KANSL1: variants seen among roughly 807,000 people sequenced by gnomAD.
KANSL1 encodes the protein MLL1/MLL complex subunit KANSL1.
A neutral mutation model predicts 103.6 loss-of-function variants in KANSL1; 22 were observed. The ratio of observed to expected loss-of-function variants is 0.21; its 90% CI spans 0.15 to 0.30. KANSL1 has a LOEUF of 0.30. Among genes scored for constraint, KANSL1 ranks in the 10% least tolerant of loss-of-function variants. The pLI, the probability that KANSL1 is intolerant of heterozygous loss-of-function variation, is 1.00. For missense variants in KANSL1, 1,337 were observed against 1,399.8 expected, an observed-to-expected ratio of 0.96 and a Z score of 0.72; for synonymous variants, 600 against 527.6, an observed-to-expected ratio of 1.14 and a Z score of -1.88.
chr17:46,184,715 A>T (rs2046937647), intron 1 of KANSL1, among the ~76,000 whole-genome samples: 2 of 152,068 alleles, frequency 1.3e-5, no homozygotes, highest in African/African-American at 4.8e-5. Context: ...CATTACTCCC[A>T]GGTTGAGGTG....
intron 2 of KANSL1, among the ~76,000 whole-genome samples, chr17:46,103,507 T>C (rs145360696): frequency 1.2e-4 from 19 of 152,364 alleles, no homozygotes; most frequent in African/African-American, 3.8e-4. Context: ...ATCCAGTTAC[T>C]GGTTAAATTT....
intron 6 of KANSL1, among the ~76,000 whole-genome samples, chr17:46,066,215 G>A (rs1296060027): frequency 2.0e-5 from 3 of 152,148 alleles, no homozygotes; most frequent in African/African-American, 7.2e-5. Flanking sequence ...TAACAGTGAA[G>A]GTGAGAGGGC....
chr17:46,166,909 G>C (rs2147685344), intron 2 of KANSL1, among the ~76,000 whole-genome samples: 1 of 152,090 alleles, frequency 6.6e-6, no homozygotes, highest in South Asian at 2.1e-4. Flanking sequence ...GCAGAATACA[G>C]AGAATATCCT....
intron 2 of KANSL1, among the ~76,000 whole-genome samples, chr17:46,154,878 T>A (rs2147534348): frequency 6.6e-6 from 1 of 152,314 alleles, no homozygotes; most frequent in South Asian, 2.1e-4. Context: ...GGAGATGGGG[T>A]CTTGCTATGT....
Position 46,171,365 on chromosome 17 carries a change from C to T in KANSL1, c.779G>A (p.Gly260Asp). Residue 260 changes from glycine to aspartate, a missense_variant, in exon 2 of 15, where the codon GGT becomes GAT. Coordinates refer to ENST00000432791, the MANE Select transcript of KANSL1 (RefSeq NM_015443.4). ...AGACTTTTTACCCTCCAATTTGACA[C>T]CCCCCAAGTTAGAGCTGGAGTCTGT... ...PGTDSSSNLG[G>D]VKLEGKKSPL... 8.1e-6 allele frequency: 13 copies of T among 1,614,086 alleles called. No individual in the cohort carries two copies. The highest frequency in any genetic ancestry group is 1.0e-5 in the Non-Finnish European group (12 of 1,180,008).
At chr17:46,220,996 C>CTTT (rs56342423) in intron 1 of KANSL1, among the ~76,000 whole-genome samples, 27 of 138,868 alleles carry the variant, frequency 1.9e-4, no homozygotes, top group South Asian at 6.7e-4. Flanking sequence ...CCCTAAAGAT[C>CTTT]TTTTTTTTTT....
At position 46,154,769 on chromosome 17, in the gene KANSL1, T is replaced by A. The variant is rs1035630815; in HGVS notation, c.1289+16086A>T. 3.6e-4 allele frequency among the ~76,000 whole-genome samples: 55 copies of A among 152,100 alleles called. 1 individual carries two copies. Among genetic ancestry groups the A allele is most frequent in the Non-Finnish European group, 2.9e-4 (20 of 68,032 alleles). On this transcript the variant is annotated intron_variant, in intron 2 of 14. Coordinates refer to ENST00000432791, the MANE Select transcript of KANSL1 (RefSeq NM_015443.4). ...GAGAGGGTGTGGTGGGGGGAAGGAG[T>A]AAACAATCAGAGCATAAGTAACCCA...
intron 2 of KANSL1, chr17:46,121,358 T>G (rs1199517279): frequency 6.6e-6 from 1 of 152,412 alleles, no homozygotes; most frequent in Non-Finnish European, 1.5e-5. Flanking sequence ...CTTCACCTCC[T>G]GTGTCCTCTT....
At chr17:46,163,708 A>G (rs2045862094) in intron 2 of KANSL1, among the ~76,000 whole-genome samples, 1 of 152,220 alleles carries the variant, frequency 6.6e-6, no homozygotes. Flanking sequence ...TCAATCACCT[A>G]TGATGATCCC....
intron 2 of KANSL1, among the ~76,000 whole-genome samples, chr17:46,113,721 A>G (rs2042922669): frequency 6.6e-6 from 1 of 152,180 alleles, no homozygotes; most frequent in Non-Finnish European, 1.5e-5. Context: ...TCTACCCTGT[A>G]TGTACAGATG....
intron 2 of KANSL1, among the ~76,000 whole-genome samples, chr17:46,149,762 C>T (rs2044973689): frequency 6.6e-6 from 1 of 152,030 alleles, no homozygotes; most frequent in African/African-American, 2.4e-5. Flanking sequence ...AATGCCAGCA[C>T]TTTGGGAGGC....
intron 2 of KANSL1, among the ~76,000 whole-genome samples, chr17:46,143,259 C>G (rs999056296): frequency 1.3e-5 from 2 of 152,146 alleles, no homozygotes; most frequent in East Asian, 3.9e-4. Context: ...TTTGGGAGGC[C>G]GAGGCAGGTG....
At chr17:46,072,317 T>C (rs1303938674) in intron 4 of KANSL1, among the ~76,000 whole-genome samples, 1 of 152,178 alleles carries the variant, frequency 6.6e-6, no homozygotes, top group Non-Finnish European at 1.5e-5. Flanking sequence ...TTTTACTTTA[T>C]TCAATTAATG....
chr17:46,183,278 A>G (rs1053100868), intron 1 of KANSL1, among the ~76,000 whole-genome samples: 3 of 149,198 alleles, frequency 2.0e-5, no homozygotes, highest in Admixed American at 6.7e-5. Context: ...AAAAACACTA[A>G]TTTTTTTTTT....
At chr17:46,115,818 G>A (rs1358132265) in intron 2 of KANSL1, among the ~76,000 whole-genome samples, 1 of 152,204 alleles carries the variant, frequency 6.6e-6, no homozygotes, top group Non-Finnish European at 1.5e-5. Flanking sequence ...GAGATCTCTA[G>A]GCTCATCACA....
At chr17:46,084,538 T>C (rs929978081) in intron 3 of KANSL1, among the ~76,000 whole-genome samples, 2 of 151,256 alleles carry the variant, frequency 1.3e-5, no homozygotes, top group African/African-American at 4.9e-5. Context: ...AAAAAATAGC[T>C]GGGCGTGGTG....
At chr17:46,054,793 C>T (rs973183076) in intron 6 of KANSL1, among the ~76,000 whole-genome samples, 1 of 152,104 alleles carries the variant, frequency 6.6e-6, no homozygotes, top group African/African-American at 2.4e-5. Flanking sequence ...TCTTCAACCA[C>T]TAATTCCATG....
intron 1 of KANSL1, among the ~76,000 whole-genome samples, chr17:46,191,028 A>G (rs1188223270): frequency 6.6e-6 from 1 of 152,220 alleles, no homozygotes; most frequent in East Asian, 1.9e-4. Context: ...CACATTTCGT[A>G]TTTACTTTAA....
chr17:46,066,863 A>G, intron 5 of KANSL1, 131 bp from the exon 6 acceptor site: 1 of 660,364 alleles, frequency 1.5e-6, no homozygotes, highest in South Asian at 2.0e-5. Context: ...AGACACAAAG[A>G]AGCATTCTAG....
Sources: allele counts gnomAD v4.1 joint callset (sites outside exome capture counted in the v4.1 genomes callset), GRCh38; gene constraint gnomAD v4.1.1; transcripts MANE v1.5; gene names NCBI Gene and HGNC (gene_info 2026-07-23, HGNC 2026-07-21).